Variants in BRINP1 observed in about 807,000 individuals in gnomAD.
BRINP1 encodes BMP/retinoic acid-inducible neural-specific protein 1.
A neutral mutation model predicts 72.9 loss-of-function variants in BRINP1; 17 were observed. That is an observed-to-expected ratio of 0.23 (90% confidence interval 0.16 to 0.35). BRINP1 has a LOEUF of 0.35. Among genes scored for constraint, BRINP1 ranks in the 10% least tolerant of loss-of-function variants. The pLI is 1.00. For missense variants in BRINP1, 850 were observed against 1,001.6 expected (o/e 0.85, Z 2.04); for synonymous variants, 418 against 378.5 (o/e 1.10, Z -1.21).
intron 5 of BRINP1, among the ~76,000 whole-genome samples, chr9:119,224,485 A>G (rs1348737485): frequency 6.6e-6 from 1 of 152,088 alleles, no homozygotes; most frequent in African/African-American, 2.4e-5. Flanking sequence ...TCCTGCAGTA[A>G]ATAAATGTGG....
chr9:119,184,470 G>A (rs1225074782), intron 7 of BRINP1, among the ~76,000 whole-genome samples: 1 of 152,186 alleles, frequency 6.6e-6, no homozygotes, highest in Non-Finnish European at 1.5e-5. Flanking sequence ...CAGATGCCCT[G>A]AGCTAGCCTG....
intron 5 of BRINP1, among the ~76,000 whole-genome samples, chr9:119,217,911 G>A (rs1010000058): frequency 2.6e-5 from 4 of 151,750 alleles, no homozygotes; most frequent in African/African-American, 9.7e-5. Context: ...TTGCACTTGC[G>A]TTTCCCTGTG....
Position 119,175,005 on chromosome 9 carries a change from A to G in BRINP1, c.1146-6781T>C, listed in dbSNP as rs1257292344. On this transcript the variant is annotated intron_variant, in intron 7 of 7. Coordinates refer to ENST00000265922, the MANE Select transcript of BRINP1 (RefSeq NM_014618.3). ...GGAGGGAGGGATAGCATTGGGAGATATACCTAATGCTAGATGACGAGTTAG... is the reference window on the plus strand; with the variant it reads ...GGAGGGAGGGATAGCATTGGGAGATGTACCTAATGCTAGATGACGAGTTAG... Among the ~76,000 whole-genome samples, 513 of 150,580 alleles carry G rather than the reference A, an allele frequency of 3.4e-3. 5 individuals are homozygous for G. Among genetic ancestry groups the G allele is most frequent in the African/African-American group, 0.011 (464 of 40,706 alleles).
At chr9:119,329,103 C>T (rs1265080053) in intron 1 of BRINP1, among the ~76,000 whole-genome samples, 4 of 152,114 alleles carry the variant, frequency 2.6e-5, no homozygotes, top group Non-Finnish European at 4.4e-5. Context: ...CAAGATACAG[C>T]GACTCAATAA....
At chr9:119,224,601 A>C (rs1016262869) in intron 5 of BRINP1, among the ~76,000 whole-genome samples, 1 of 152,032 alleles carries the variant, frequency 6.6e-6, no homozygotes. Context: ...ACAAAGGTTG[A>C]TTTGTTGCTC....
At chr9:119,256,553 ATAGT>A (rs1165499167) in intron 2 of BRINP1, among the ~76,000 whole-genome samples, 2 of 152,234 alleles carry the variant, frequency 1.3e-5, no homozygotes, top group Non-Finnish European at 2.9e-5. Context: ...AGATGAAATA[ATAGT>A]TAGACAACTT....
chr9:119,348,651 C>T (rs953334328), intron 1 of BRINP1, among the ~76,000 whole-genome samples: 26 of 152,258 alleles, frequency 1.7e-4, no homozygotes, highest in African/African-American at 6.3e-4. Context: ...ATATTCACTT[C>T]AAGGTCATTC....
intron 5 of BRINP1, among the ~76,000 whole-genome samples, chr9:119,214,538 C>T (rs868614532): frequency 6.6e-6 from 1 of 151,340 alleles, no homozygotes; most frequent in African/African-American, 2.4e-5. Context: ...TTTATATAAA[C>T]CCTATTTATG....
intron 5 of BRINP1, among the ~76,000 whole-genome samples, chr9:119,222,808 C>T (rs1830053042): frequency 1.3e-5 from 2 of 151,766 alleles, no homozygotes; most frequent in South Asian, 4.2e-4. Context: ...TATGAAATCA[C>T]CAAGGATAAG....
At chr9:119,359,372 A>G (rs996790102) in intron 1 of BRINP1, among the ~76,000 whole-genome samples, 1 of 152,080 alleles carries the variant, frequency 6.6e-6, no homozygotes, top group Non-Finnish European at 1.5e-5. Flanking sequence ...ATTATTTTTT[A>G]AATTTTTTGT....
At chr9:119,367,221 G>GTGTGTGATATATATATATAT (rs1564259756) in intron 1 of BRINP1, among the ~76,000 whole-genome samples, 7 of 99,850 alleles carry the variant, frequency 7.0e-5, no homozygotes, top group Non-Finnish European at 9.5e-5. Flanking sequence ...GTGTGTGATT[G>GTGTGTGATATATATATATAT]ATATATATAT....
intron 5 of BRINP1, among the ~76,000 whole-genome samples, chr9:119,225,861 G>A (rs1042629095): frequency 3.3e-5 from 5 of 151,930 alleles, no homozygotes; most frequent in Non-Finnish European, 7.4e-5. Flanking sequence ...AATGATTAAA[G>A]TGTTAAATTT....
At chr9:119,179,273 C>T (rs1321511579) in intron 7 of BRINP1, among the ~76,000 whole-genome samples, 1 of 152,172 alleles carries the variant, frequency 6.6e-6, no homozygotes, top group Admixed American at 6.5e-5. Context: ...GCAGCCAAAG[C>T]TGAGATGCAA....
At chr9:119,357,243 G>A (rs928775459) in intron 1 of BRINP1, among the ~76,000 whole-genome samples, 6 of 152,250 alleles carry the variant, frequency 3.9e-5, no homozygotes, top group Admixed American at 1.3e-4. Context: ...ATACATGCAC[G>A]TGTGCACGTG....
intron 2 of BRINP1, among the ~76,000 whole-genome samples, chr9:119,283,522 C>G (rs1830732702): frequency 6.6e-6 from 1 of 152,178 alleles, no homozygotes; most frequent in Non-Finnish European, 1.5e-5. Flanking sequence ...CAACATCAAA[C>G]AACCTTTCCT....
Position 119,347,463 on chromosome 9 carries a change from G to A in BRINP1, c.-51+21593C>T, listed in dbSNP as rs573901252. Among the ~76,000 whole-genome samples the A allele has an allele frequency of 2.1e-3, 318 of 152,116 alleles. 1 individual carries two copies. The highest frequency in any genetic ancestry group is 5.7e-3 in the African/African-American group (235 of 41,468). ...ATGATGAATATAAACCATGAACACC[G>A]TGTCCTGCACATACTGTTTGGTTAA... On this transcript the variant is annotated intron_variant, in intron 1 of 7. Transcript: ENST00000265922.
At chr9:119,250,968 G>A (rs1327900133) in intron 2 of BRINP1, among the ~76,000 whole-genome samples, 4 of 152,162 alleles carry the variant, frequency 2.6e-5, no homozygotes, top group Non-Finnish European at 2.9e-5. Flanking sequence ...AACAGTGGGG[G>A]TATCTGGCCG....
chr9:119,235,310 C>CT (rs1830183575), intron 5 of BRINP1, among the ~76,000 whole-genome samples: 1 of 152,212 alleles, frequency 6.6e-6, no homozygotes, highest in African/African-American at 2.4e-5. Context: ...GAAAGATTAT[C>CT]TTGTCTTTCT....
chr9:119,185,009 A>G (rs567007363), intron 7 of BRINP1, among the ~76,000 whole-genome samples: 13 of 152,274 alleles, frequency 8.5e-5, no homozygotes, highest in African/African-American at 2.4e-4. Flanking sequence ...ACTGTGGTCT[A>G]CCAATCAGAA....
Sources: allele counts gnomAD v4.1 joint callset (sites outside exome capture counted in the v4.1 genomes callset), GRCh38; gene constraint gnomAD v4.1.1; transcripts MANE v1.5; gene names NCBI Gene and HGNC (gene_info 2026-07-23, HGNC 2026-07-21).